MAD1L1: variants seen among roughly 807,000 people sequenced by gnomAD.
MAD1L1 encodes mitotic spindle assembly checkpoint protein MAD1.
A neutral mutation model predicts 96.9 loss-of-function variants in MAD1L1; 95 were observed. The ratio of observed to expected loss-of-function variants is 0.98; its 90% confidence interval spans 0.83 to 1.16. The LOEUF is 1.16. Among genes scored for constraint, MAD1L1 ranks in the 50% most tolerant of loss-of-function variants. The probability of loss-of-function intolerance (pLI) is 0.00; values close to 1 mark genes in which losing one functional copy is unlikely to be tolerated. For synonymous variants in MAD1L1, 473 were observed against 396.6 expected (o/e 1.19, Z -2.29); for missense variants, 1,007 against 954.4 (o/e 1.06, Z -0.73).
At chr7:2,008,913 C>T (rs901757528) in intron 13 of MAD1L1, among the ~76,000 whole-genome samples, 5 of 152,208 alleles carry the variant, frequency 3.3e-5, no homozygotes, top group African/African-American at 1.2e-4. Context: ...CCACTCGGAG[C>T]CAGGCTTCAG....
intron 18 of MAD1L1, among the ~76,000 whole-genome samples, chr7:1,890,088 G>A (rs1249140654): frequency 6.6e-6 from 1 of 152,266 alleles, no homozygotes; most frequent in Non-Finnish European, 1.5e-5. Context: ...TCTCCTGGGA[G>A]GGGCATGTAT....
intron 18 of MAD1L1, among the ~76,000 whole-genome samples, chr7:1,822,103 CTAAG>C (rs940187487): frequency 2.6e-5 from 4 of 152,202 alleles, no homozygotes; most frequent in South Asian, 2.1e-4. Context: ...TCCTGGAACA[CTAAG>C]TGAGTCCACG....
chr7:2,192,860 ACT>A (rs1253747458), intron 10 of MAD1L1, among the ~76,000 whole-genome samples: 1 of 152,120 alleles, frequency 6.6e-6, no homozygotes, highest in African/African-American at 2.4e-5. Flanking sequence ...ACTTCAAAAA[ACT>A]CAATTTTAGT....
At chr7:2,161,459 C>T (rs1459414462) in intron 10 of MAD1L1, among the ~76,000 whole-genome samples, 1 of 152,108 alleles carries the variant, frequency 6.6e-6, no homozygotes, top group Non-Finnish European at 1.5e-5. Flanking sequence ...TCGCTACAAC[C>T]TTCACCTCCC....
At chr7:2,016,927 T>C (rs1295271321) in intron 12 of MAD1L1, among the ~76,000 whole-genome samples, 2 of 152,262 alleles carry the variant, frequency 1.3e-5, no homozygotes, top group Non-Finnish European at 2.9e-5. Flanking sequence ...GAGTTGTCAG[T>C]ACCAACGCGC....
At chr7:2,112,601 A>C (rs1244487533) in intron 11 of MAD1L1, among the ~76,000 whole-genome samples, 1 of 152,178 alleles carries the variant, frequency 6.6e-6, no homozygotes, top group African/African-American at 2.4e-5. Flanking sequence ...GTGTGCTGAC[A>C]CCTGGGCTTC....
chr7:1,820,918 A>G (rs1482307016), intron 18 of MAD1L1, among the ~76,000 whole-genome samples: 3 of 151,932 alleles, frequency 2.0e-5, no homozygotes, highest in African/African-American at 7.2e-5. Flanking sequence ...CATCTCTACT[A>G]AAAATACAAA....
At chr7:1,832,734 C>T (rs1365306674) in intron 18 of MAD1L1, among the ~76,000 whole-genome samples, 1 of 96,978 alleles carries the variant, frequency 1.0e-5, no homozygotes, top group South Asian at 3.8e-4. Flanking sequence ...CAGGTTCAAG[C>T]GATTTTCATG....
intron 12 of MAD1L1, among the ~76,000 whole-genome samples, chr7:2,064,050 T>A (rs1052270458): frequency 4.1e-4 from 62 of 152,066 alleles, no homozygotes; most frequent in African/African-American, 1.5e-3. Flanking sequence ...ACACTGAGCT[T>A]CAGCAAGGAA....
At chr7:1,974,152 T>A (rs1358313660) in intron 15 of MAD1L1, among the ~76,000 whole-genome samples, 1 of 152,174 alleles carries the variant, frequency 6.6e-6, no homozygotes, top group African/African-American at 2.4e-5. Context: ...CACACTTCCC[T>A]GCTCAGCCCC....
chr7:1,895,743 C>T (rs540172464), intron 18 of MAD1L1, among the ~76,000 whole-genome samples: 77 of 152,318 alleles, frequency 5.1e-4, no homozygotes, highest in Middle Eastern at 3.4e-3. Flanking sequence ...TCTGTCCTTC[C>T]GGAGGCGGCT....
At chr7:1,886,092 C>T (rs931049635) in intron 18 of MAD1L1, among the ~76,000 whole-genome samples, 3 of 152,214 alleles carry the variant, frequency 2.0e-5, no homozygotes, top group African/African-American at 7.2e-5. Context: ...TGCAGAGACC[C>T]GTGGGCATGT....
chr7:1,823,183 C>G (rs1305981587), intron 18 of MAD1L1, among the ~76,000 whole-genome samples: 1 of 152,108 alleles, frequency 6.6e-6, no homozygotes, highest in Non-Finnish European at 1.5e-5. Flanking sequence ...TTTGCTACAG[C>G]TGGAGCCGGA....
At chr7:1,981,448 C>T (rs1780901577) in intron 14 of MAD1L1, among the ~76,000 whole-genome samples, 1 of 152,130 alleles carries the variant, frequency 6.6e-6, no homozygotes, top group Non-Finnish European at 1.5e-5. Context: ...GCTCCAGGGC[C>T]CGGGGGTGCT....
chr7:1,828,696 G>A (rs950395229), intron 18 of MAD1L1, among the ~76,000 whole-genome samples: 10 of 151,990 alleles, frequency 6.6e-5, no homozygotes, highest in African/African-American at 2.4e-4. Context: ...AATATTTATA[G>A]GAACACACAC....
At chr7:1,880,482 A>C (rs1157090739) in intron 18 of MAD1L1, among the ~76,000 whole-genome samples, 2 of 152,204 alleles carry the variant, frequency 1.3e-5, no homozygotes, top group Non-Finnish European at 2.9e-5. Context: ...ACAAAGGGCC[A>C]TGGCCAGGCT....
intron 10 of MAD1L1, among the ~76,000 whole-genome samples, chr7:2,201,321 GC>G (rs1251360740): frequency 1.3e-5 from 2 of 152,110 alleles, no homozygotes; most frequent in African/African-American, 4.8e-5. Flanking sequence ...CCTCCTACCA[GC>G]CCTGTCACAA....
chr7:2,191,725 T>C (rs1281653379), intron 10 of MAD1L1, among the ~76,000 whole-genome samples: 1 of 151,922 alleles, frequency 6.6e-6, no homozygotes, highest in African/African-American at 2.4e-5. Flanking sequence ...AGCAAGACTC[T>C]GTCTCAAAAA....
chr7:2,117,334 G>A (rs943813234), intron 11 of MAD1L1, among the ~76,000 whole-genome samples: 7 of 152,210 alleles, frequency 4.6e-5, no homozygotes, highest in East Asian at 3.8e-4. Context: ...TGGTGCGGAC[G>A]GCACAGAGGC....
Sources: allele counts gnomAD v4.1 joint callset (sites outside exome capture counted in the v4.1 genomes callset), GRCh38; gene constraint gnomAD v4.1.1; transcripts MANE v1.5; gene names NCBI Gene and HGNC (gene_info 2026-07-23, HGNC 2026-07-21).